The following LTBP1 variants were observed in gnomAD, a reference collection of about 807,000 sequenced individuals.
LTBP1 encodes the protein latent transforming growth factor beta binding protein 1.
In LTBP1, 129 loss-of-function variants were observed where a neutral mutation model predicts 207.6. The ratio of observed to expected loss-of-function variants is 0.62; its 90% CI spans 0.54 to 0.72. The LOEUF (loss-of-function observed/expected upper bound fraction) is 0.72, where lower values mean the gene tolerates loss of function less well. Among genes scored for constraint, LTBP1 ranks in the 30% least tolerant of loss-of-function variants. LTBP1 has a pLI of 0.00. For synonymous variants in LTBP1, 963 were observed against 833.7 expected (o/e 1.16, Z -2.67); for missense variants, 2,281 against 2,217.2 (o/e 1.03, Z -0.58).
In LTBP1 at chr2:33,293,188, C is replaced by T. The variant is rs1428223233; in HGVS notation, c.3141C>T (p.Val1047=). 4 of 1,613,884 alleles carry T rather than the reference C, an allele frequency of 2.5e-6. No homozygotes were observed. The highest frequency in any genetic ancestry group is 4.5e-5 in the East Asian group (2 of 44,878). Residue 1047 remains valine, a synonymous_variant, in exon 20 of 34, where the codon GTC becomes GTT. Transcript: ENST00000404816. ...LDVDECLEPN[V]CANGDCSNLE... is the part of the protein sequence containing the mutation. ...TGGACGAGTGCCTGGAACCAAACGT[C>T]TGCGCAAATGGTGATTGTTCCAACC...
chr2:33,315,301 T>C (rs1205561155), intron 24 of LTBP1, 32 bp downstream of exon 24: 11 of 1,609,282 alleles, frequency 6.8e-6, no homozygotes, highest in Non-Finnish European at 9.3e-6. Context: ...CATATTGTTG[T>C]GTGATAAAAG....
chr2:33,384,677 G>C (rs1022495617), intron 31 of LTBP1, among the ~76,000 whole-genome samples: 1 of 152,204 alleles, frequency 6.6e-6, no homozygotes, highest in Non-Finnish European at 1.5e-5. Context: ...TGTTGAGCTG[G>C]ATAAAGTAGC....
intron 3 of LTBP1, among the ~76,000 whole-genome samples, chr2:33,098,150 G>C (rs1022556631): frequency 6.6e-6 from 1 of 152,178 alleles, no homozygotes; most frequent in Non-Finnish European, 1.5e-5. Context: ...TAATTAGCAA[G>C]GTGAGTGCAA....
chr2:33,387,647 C>T (rs1032114127), intron 31 of LTBP1, among the ~76,000 whole-genome samples: 2 of 152,112 alleles, frequency 1.3e-5, no homozygotes. Flanking sequence ...TACACACACA[C>T]CTTTGATTCG....
chr2:33,262,600 T>TTC (rs2093048884), intron 13 of LTBP1, 122 bp from the exon 14 acceptor site: 2 of 482,080 alleles, frequency 4.1e-6, no homozygotes, highest in Non-Finnish European at 7.3e-6. Context: ...CCTATGATAT[T>TTC]TCTTTGCCTT....
intron 5 of LTBP1, among the ~76,000 whole-genome samples, chr2:33,149,338 A>G (rs1418453245): frequency 6.6e-6 from 1 of 151,412 alleles, no homozygotes; most frequent in South Asian, 2.1e-4. Flanking sequence ...TCCTTAGAGC[A>G]GCCTTCTTTC....
intron 7 of LTBP1, among the ~76,000 whole-genome samples, chr2:33,211,563 A>G (rs1317074802): frequency 6.6e-6 from 1 of 152,116 alleles, no homozygotes; most frequent in South Asian, 2.1e-4. Context: ...TGGGATTTCA[A>G]TCCAAGTCTA....
At chr2:33,340,221 G>A (rs1363683999) in intron 24 of LTBP1, among the ~76,000 whole-genome samples, 1 of 141,646 alleles carries the variant, frequency 7.1e-6, no homozygotes, top group African/African-American at 2.7e-5. Flanking sequence ...TCGCGCCCCT[G>A]CACTCCAGCC....
intron 3 of LTBP1, 98 bp downstream of exon 3, chr2:33,021,304 A>G: frequency 8.9e-7 from 1 of 1,129,088 alleles, no homozygotes; most frequent in Non-Finnish European, 1.2e-6. Flanking sequence ...CAATTTGCAG[A>G]AATCACTTGG....
chr2:33,303,533 A>G (rs10170578), intron 22 of LTBP1, among the ~76,000 whole-genome samples: 125,182 of 151,658 alleles, frequency 0.83, 52,060 homozygotes, highest in African/African-American at 0.88. Context: ...TGTATTTTTA[A>G]TAGAGACGGG....
chr2:32,971,360 G>T (rs1003609823), intron 2 of LTBP1, among the ~76,000 whole-genome samples: 9 of 152,102 alleles, frequency 5.9e-5, no homozygotes, highest in Admixed American at 3.9e-4. Context: ...GGGCATCCTT[G>T]TCTTGTTCTA....
At position 33,327,794 on chromosome 2, in the gene LTBP1, A is replaced by G. The variant is rs149860521; in HGVS notation, c.3730+12525A>G. On this transcript the variant is annotated intron_variant, in intron 24 of 33. Coordinates refer to ENST00000404816, the MANE Select transcript of LTBP1 (RefSeq NM_206943.4). ...AGAGTCTCTAACCAGGAAATGCAGCAGTGTGGATTATCTCTTTTTTTTTCA... is the reference window on the plus strand; with the variant it reads ...AGAGTCTCTAACCAGGAAATGCAGCGGTGTGGATTATCTCTTTTTTTTTCA... 4.7e-3 allele frequency among the ~76,000 whole-genome samples: 717 copies of G among 152,266 alleles called. 4 individuals carry two copies. The highest frequency in any genetic ancestry group is 0.017 in the African/African-American group (687 of 41,554).
intron 24 of LTBP1, among the ~76,000 whole-genome samples, chr2:33,321,581 GC>G (rs2094355443): frequency 6.6e-6 from 1 of 152,180 alleles, no homozygotes; most frequent in African/African-American, 2.4e-5. Context: ...CGTGGACAGT[GC>G]CCCAAGGCAG....
At chr2:33,363,350 C>T (rs148445762) in intron 28 of LTBP1, 40 bp from the exon 29 acceptor site, 2 of 1,609,008 alleles carry the variant, frequency 1.2e-6, no homozygotes, top group African/African-American at 2.7e-5. Flanking sequence ...AAAGATCAAA[C>T]CTAACTCCTT....
intron 3 of LTBP1, among the ~76,000 whole-genome samples, chr2:33,081,527 A>G (rs115583915): frequency 6.6e-4 from 101 of 152,260 alleles, no homozygotes; most frequent in Non-Finnish European, 1.1e-3. Flanking sequence ...TCCGTGCTCA[A>G]TCCATCAGGG....
rs976718920 is a variant in LTBP1, at chr2:32,959,736, T to A, written c.565+10791T>A. Among the ~76,000 whole-genome samples the A allele has an allele frequency of 1.3e-4, 20 of 150,124 alleles. No individual in the cohort carries two copies. The East Asian group carries it at 4.0e-3, about 30-fold the overall frequency. On this transcript the variant is annotated intron_variant, in intron 2 of 33. Transcript: ENST00000404816. The stretch of plus-strand genomic sequence containing the variant: ...CTTGGGTTCCAGCGATTCTTCTGCC[T>A]CAGCCACCCGAGTAGCTGGGATTAC...
intron 5 of LTBP1, among the ~76,000 whole-genome samples, chr2:33,158,644 G>A (rs1006689364): frequency 3.3e-5 from 5 of 152,152 alleles, no homozygotes; most frequent in East Asian, 1.9e-4. Context: ...TGTGGTTGTC[G>A]AAGGAGGCAC....
At chr2:33,224,091 A>G (rs1348114879) in intron 9 of LTBP1, among the ~76,000 whole-genome samples, 3 of 152,186 alleles carry the variant, frequency 2.0e-5, no homozygotes, top group African/African-American at 7.2e-5. Flanking sequence ...GAATGTGCCT[A>G]TGGGCCATCT....
intron 22 of LTBP1, among the ~76,000 whole-genome samples, chr2:33,308,861 T>C (rs1235655344): frequency 2.0e-5 from 3 of 152,238 alleles, no homozygotes; most frequent in Non-Finnish European, 4.4e-5. Flanking sequence ...TTGCTCAAGA[T>C]ACACTTAATA....
Sources: gnomAD v4.1 joint callset for allele counts (sites outside exome capture counted in the v4.1 genomes callset) on GRCh38, gnomAD v4.1.1 for gene constraint, MANE v1.5 for transcripts, NCBI Gene and HGNC (gene_info 2026-07-23, HGNC 2026-07-21) for gene names.